Variants in TNFAIP6 observed in about 807,000 individuals in gnomAD.
TNFAIP6 encodes TNF alpha induced protein 6, also known as tumor necrosis factor-inducible gene 6 protein.
In TNFAIP6, 36 loss-of-function variants were observed where a neutral mutation model predicts 33.7. The observed-to-expected ratio is 1.07, with a 90% CI of 0.82 to 1.41. The LOEUF is 1.41. Ranked by LOEUF, TNFAIP6 falls within the 40% of genes most tolerant of loss-of-function variation. The pLI, the probability that TNFAIP6 is intolerant of heterozygous loss-of-function variation, is 0.00. For synonymous variants in TNFAIP6, 113 were observed against 112.8 expected (o/e 1.00, Z -0.01); for missense variants, 273 against 331.9 (o/e 0.82, Z 1.38).
rs143338696 is a variant in TNFAIP6, at chr2:151,370,226, G to T, written c.601G>T (p.Asp201Tyr). Residue 201 changes from aspartate (D) to tyrosine (Y), a missense_variant, in exon 4 of 6, where the codon GAT becomes TAT. Asp to Tyr is a radical substitution (Grantham distance 160, BLOSUM62 -3). Coordinates refer to ENST00000243347, the MANE Select transcript of TNFAIP6 (RefSeq NM_007115.4). ...DYVEIYDSYDDVHGFVGRYCG... is the reference protein window; with the variant it reads ...DYVEIYDSYDYVHGFVGRYCG... ...TGTTGAAATATATGACAGTTACGATGATGTCCATGGCTTTGTGGGAAGGTA... is the reference window on the plus strand; with the variant it reads ...TGTTGAAATATATGACAGTTACGATTATGTCCATGGCTTTGTGGGAAGGTA... The T allele has an allele frequency of 7.4e-6, 12 of 1,613,888 alleles. No individual in the cohort carries two copies. The highest frequency in any genetic ancestry group is 1.0e-5 in the Non-Finnish European group (12 of 1,179,936).
At chr2:151,370,338 A>G in intron 4 of TNFAIP6, 90 bp downstream of exon 4, 1 of 969,880 alleles carries the variant, frequency 1.0e-6, no homozygotes, top group South Asian at 1.5e-5. Context: ...TCCCTATAAT[A>G]TTGATTTTGG....
chr2:151,372,882 T>G (rs1684840647), intron 4 of TNFAIP6, among the ~76,000 whole-genome samples: 2 of 151,882 alleles, frequency 1.3e-5, no homozygotes, highest in South Asian at 4.2e-4. Context: ...ATTGTGCCAT[T>G]GTACTCCAGC....
chr2:151,379,545 AGGATGATC>A lies in TNFAIP6; in HGVS notation c.*13_*20del. ...TTAGCCACTTATAAAAAAAAAAAAA[AGGATGATC>A]AAAACACACAGTGTTTATGTTGGAA... On this transcript the variant is annotated 3_prime_UTR_variant, in exon 6 of 6. Transcript: ENST00000243347. The A allele has an allele frequency of 2.2e-6, 3 of 1,344,096 alleles. No homozygotes were observed. The highest frequency in any genetic ancestry group is 3.0e-6 in the Non-Finnish European group (3 of 983,940). The allele number at this position is 1,344,096 out of a possible 1,614,324, so 83.3% of individuals were successfully genotyped here.
intron 4 of TNFAIP6, among the ~76,000 whole-genome samples, chr2:151,371,517 C>A (rs143957460): frequency 1.3e-5 from 2 of 152,036 alleles, no homozygotes; most frequent in African/African-American, 4.8e-5. Context: ...AAACCAAAGG[C>A]ATTTCTTGCA....
At chr2:151,359,205 G>A (rs1458934212) in intron 1 of TNFAIP6, among the ~76,000 whole-genome samples, 1 of 152,090 alleles carries the variant, frequency 6.6e-6, no homozygotes, top group African/African-American at 2.4e-5. Context: ...TAGCACAGAT[G>A]TTTATAGTTG....
intron 3 of TNFAIP6, among the ~76,000 whole-genome samples, chr2:151,367,000 A>T (rs935223772): frequency 6.6e-6 from 1 of 152,182 alleles, no homozygotes; most frequent in Non-Finnish European, 1.5e-5. Flanking sequence ...ACAGTATGTT[A>T]CAAAGTCTTC....
intron 1 of TNFAIP6, among the ~76,000 whole-genome samples, chr2:151,360,099 A>G (rs1195141681): frequency 1.3e-5 from 2 of 152,152 alleles, no homozygotes; most frequent in African/African-American, 4.8e-5. Flanking sequence ...AATTAAAAAG[A>G]CCAGCCTGGG....
intron 3 of TNFAIP6, chr2:151,368,193 A>C (rs1328303933): frequency 3.9e-5 from 6 of 153,548 alleles, no homozygotes; most frequent in African/African-American, 1.4e-4. Flanking sequence ...AACATCCTTA[A>C]ATTATTTTCT....
chr2:151,363,596 A>G (rs1407277049), intron 1 of TNFAIP6, among the ~76,000 whole-genome samples: 2 of 152,020 alleles, frequency 1.3e-5, no homozygotes, highest in Non-Finnish European at 2.9e-5. Flanking sequence ...CGGGAGGCGG[A>G]GCTTGCAGTG....
At chr2:151,378,130 GT>G (rs1489264713) in intron 5 of TNFAIP6, among the ~76,000 whole-genome samples, 1 of 152,142 alleles carries the variant, frequency 6.6e-6, no homozygotes, top group African/African-American at 2.4e-5. Context: ...GGAAGCTGGG[GT>G]AGAAGGATCA....
intron 1 of TNFAIP6, among the ~76,000 whole-genome samples, 193 bp downstream of exon 1, chr2:151,357,953 A>T (rs989279842): frequency 2.0e-5 from 3 of 152,172 alleles, no homozygotes; most frequent in African/African-American, 7.2e-5. Flanking sequence ...AAATTTAAAA[A>T]TAGCATTTTA....
At chr2:151,361,777 G>C (rs529602359) in intron 1 of TNFAIP6, among the ~76,000 whole-genome samples, 1 of 152,162 alleles carries the variant, frequency 6.6e-6, no homozygotes, top group Non-Finnish European at 1.5e-5. Flanking sequence ...AGGCTTTGCC[G>C]TATGAAGGAC....
chr2:151,369,673 G>T (rs905491970), intron 3 of TNFAIP6, among the ~76,000 whole-genome samples: 1 of 152,116 alleles, frequency 6.6e-6, no homozygotes, highest in Non-Finnish European at 1.5e-5. Flanking sequence ...TACTTAGGAG[G>T]CTGAAGTGGG....
intron 5 of TNFAIP6, among the ~76,000 whole-genome samples, chr2:151,375,572 G>A (rs1164598900): frequency 6.6e-6 from 1 of 152,082 alleles, no homozygotes; most frequent in African/African-American, 2.4e-5. Context: ...GCCAGGTGCA[G>A]TGGCACACGC....
In TNFAIP6 at chr2:151,380,032, A is replaced by G. The variant is rs1482711238; in HGVS notation, c.*499A>G. On this transcript the variant is annotated 3_prime_UTR_variant, in exon 6 of 6. Coordinates refer to ENST00000243347, the MANE Select transcript of TNFAIP6 (RefSeq NM_007115.4). ...ATTTTCATAAATATTGTTGCAATAA[A>G]TATCCTTGAACACACATATTTGTGC... 1 of 152,188 alleles carries G rather than the reference A, an allele frequency of 6.6e-6. No individual in the cohort carries two copies. The highest frequency in any genetic ancestry group is 1.5e-5 in the Non-Finnish European group (1 of 68,026). The allele number at this position is 152,188 out of a possible 1,614,324, so 9.4% of individuals were successfully genotyped here. A position where few individuals can be genotyped will look rare whatever the true frequency, so the allele number is the denominator to read the frequency against.
At chr2:151,374,585 T>G (rs1181579281) in intron 5 of TNFAIP6, among the ~76,000 whole-genome samples, 2 of 152,184 alleles carry the variant, frequency 1.3e-5, no homozygotes, top group Admixed American at 1.3e-4. Context: ...CAATTCTAAT[T>G]TATTCGTCAT....
intron 3 of TNFAIP6, among the ~76,000 whole-genome samples, chr2:151,367,894 T>C (rs948945632): frequency 2.0e-5 from 3 of 151,808 alleles, no homozygotes; most frequent in Admixed American, 1.3e-4. Context: ...AATAAAGCAA[T>C]CATTATTGAT....
At chr2:151,361,965 TG>T (rs1684630985) in intron 1 of TNFAIP6, among the ~76,000 whole-genome samples, 2 of 152,212 alleles carry the variant, frequency 1.3e-5, no homozygotes, top group African/African-American at 4.8e-5. Flanking sequence ...CTTATTGAGC[TG>T]TGGCAATGTC....
intron 5 of TNFAIP6, among the ~76,000 whole-genome samples, chr2:151,376,986 C>G (rs1372082752): frequency 6.8e-6 from 1 of 146,472 alleles, no homozygotes; most frequent in Non-Finnish European, 1.5e-5. Context: ...AAGTGATTTT[C>G]CCGCACAAGG....
Sources: allele counts gnomAD v4.1 joint callset (sites outside exome capture counted in the v4.1 genomes callset), GRCh38; gene constraint gnomAD v4.1.1; transcripts MANE v1.5; gene names NCBI Gene and HGNC (gene_info 2026-07-23, HGNC 2026-07-21).